LCOR: variants seen among roughly 807,000 people sequenced by gnomAD.
LCOR encodes the protein ligand-dependent corepressor.
Under a neutral mutation model 64.4 loss-of-function variants are expected in LCOR, and 14 were observed. That is an observed-to-expected ratio of 0.22 (90% CI 0.14 to 0.34). LCOR has a LOEUF of 0.34. Ranked by LOEUF, LCOR falls within the 10% of genes least tolerant of loss-of-function variation. The probability of loss-of-function intolerance (pLI) is 1.00; values close to 1 mark genes in which losing one functional copy is unlikely to be tolerated. For synonymous variants in LCOR, 643 were observed against 642.5 expected, an observed-to-expected ratio of 1.00 and a Z score of -0.01; for missense variants, 1,686 against 1,765.3, an observed-to-expected ratio of 0.96 and a Z score of 0.80.
chr10:96,941,389 C>T (rs1170635509), intron 4 of LCOR, among the ~76,000 whole-genome samples: 1 of 144,376 alleles, frequency 6.9e-6, no homozygotes, highest in East Asian at 2.2e-4. Context: ...ACCTCCCGGA[C>T]TGGGCGGCTG....
At chr10:96,869,132 C>T (rs1039697539) in intron 2 of LCOR, among the ~76,000 whole-genome samples, 2 of 152,124 alleles carry the variant, frequency 1.3e-5, no homozygotes, top group South Asian at 2.1e-4. Context: ...TCTCAAAGCT[C>T]GCAACCTCAA....
At chr10:96,851,251 A>C (rs1845717637) in intron 2 of LCOR, among the ~76,000 whole-genome samples, 1 of 152,218 alleles carries the variant, frequency 6.6e-6, no homozygotes, top group Admixed American at 6.5e-5. Context: ...TGAAATTCTC[A>C]TCAGAAATGT....
intron 2 of LCOR, among the ~76,000 whole-genome samples, chr10:96,888,363 C>CCAAAAAAAAAAA (rs1846380985): frequency 3.3e-5 from 1 of 30,544 alleles, no homozygotes; most frequent in African/African-American, 1.5e-4. Flanking sequence ...GACTCCGTCT[C>CCAAAAAAAAAAA]AAAAAAAAAA....
chr10:96,961,338 A>G (rs530814884), intron 7 of LCOR: 3 of 152,074 alleles, frequency 2.0e-5, no homozygotes, highest in Non-Finnish European at 2.9e-5. Flanking sequence ...TTAATCATAG[A>G]TTTATTGGAT....
intron 7 of LCOR, among the ~76,000 whole-genome samples, chr10:96,970,643 AT>A (rs1361323706): frequency 2.9e-4 from 43 of 147,452 alleles, no homozygotes; most frequent in African/African-American, 9.8e-4. Context: ...ATTTTATTTT[AT>A]TTTATTTTAT....
At chr10:96,909,689 A>G (rs1846795152) in intron 4 of LCOR, among the ~76,000 whole-genome samples, 1 of 152,152 alleles carries the variant, frequency 6.6e-6, no homozygotes, top group Non-Finnish European at 1.5e-5. Context: ...TTCTTCTTGT[A>G]TGGCTTCTTT....
At chr10:96,861,428 A>G (rs1341248616) in intron 2 of LCOR, among the ~76,000 whole-genome samples, 4 of 152,326 alleles carry the variant, frequency 2.6e-5, no homozygotes, top group East Asian at 1.9e-4. Flanking sequence ...CCATATTACA[A>G]TAATCACAAT....
chr10:96,953,424 C>T (rs946689360), intron 7 of LCOR, among the ~76,000 whole-genome samples: 2 of 151,992 alleles, frequency 1.3e-5, no homozygotes, highest in Non-Finnish European at 2.9e-5. Flanking sequence ...TGGTGGTGTG[C>T]ACCTGTAGTC....
At chr10:96,847,660 C>CT (rs762297817) in intron 2 of LCOR, among the ~76,000 whole-genome samples, 2 of 152,110 alleles carry the variant, frequency 1.3e-5, no homozygotes, top group Non-Finnish European at 2.9e-5. Flanking sequence ...AGGCTGTTCT[C>CT]TTAACTCCCG....
At chr10:96,902,244 C>T (rs981962151) in intron 2 of LCOR, among the ~76,000 whole-genome samples, 5 of 151,976 alleles carry the variant, frequency 3.3e-5, no homozygotes, top group Admixed American at 6.6e-5. Flanking sequence ...GGCCATTAGT[C>T]GTGATTAAAG....
intron 2 of LCOR, among the ~76,000 whole-genome samples, chr10:96,891,530 C>CTTTTTTTTTTTTTTTTTTTTTTTT (rs71007307): frequency 1.3e-4 from 1 of 7,638 alleles, no homozygotes; most frequent in African/African-American, 4.1e-4. Flanking sequence ...TGTCTTGACT[C>CTTTTTTTTTTTTTTTTTTTTTTTT]TTTTTTTTTT....
At chr10:96,874,119 G>A (rs1350610079) in intron 2 of LCOR, among the ~76,000 whole-genome samples, 1 of 152,140 alleles carries the variant, frequency 6.6e-6, no homozygotes. Flanking sequence ...TTATTGTTAA[G>A]CATATATATC....
chr10:96,984,007 G>A lies in LCOR; in HGVS notation c.3547G>A (p.Val1183Ile), dbSNP rs1193321455. The change falls in exon 8 of 8, where the codon GTT (valine) becomes ATT (isoleucine). Residue 1183 changes from valine (V) to isoleucine (I), a missense_variant. By Grantham distance (29) the Val-to-Ile change is conservative. Around this residue, in one of 3 missense-constraint regions of LCOR, gnomAD observed 1,293 missense variants for 1,410.4 expected, o/e 0.92. Coordinates refer to ENST00000421806, the MANE Select transcript of LCOR (RefSeq NM_001346516.2). Reference sequence around the variant, plus strand: ...TATGACAAACTTTAAATTATCTAATGTTTGTAAATGGTTCTTAGAGACAAC... The same window carrying A: ...TATGACAAACTTTAAATTATCTAATATTTGTAAATGGTTCTTAGAGACAAC... ...LFMTNFKLSN[V>I]CKWFLETTET... is the part of the protein sequence containing the mutation. The A allele has an allele frequency of 6.2e-7, 1 of 1,614,170 alleles. No individual in the cohort carries two copies. The highest frequency in any genetic ancestry group is 8.5e-7 in the Non-Finnish European group (1 of 1,180,030).
Position 96,981,850 on chromosome 10 carries a change from A to C in LCOR, c.1390A>C (p.Asn464His). Residue 464 changes from asparagine to histidine, a missense_variant, in exon 8 of 8, where the codon AAT becomes CAT. By Grantham distance (68) the Asn-to-His change is moderately conservative (BLOSUM62 1). This residue lies in a region of LCOR where 1,293 missense variants were observed against 1,410.4 expected (regional missense o/e 0.92). Transcript: ENST00000421806. ...KSKRASGLRINDYDNQCDVVY... is the reference protein window; with the variant it reads ...KSKRASGLRIHDYDNQCDVVY... ...TAAAAGGGCATCAGGGCTGAGGATAAATGATTATGATAACCAGTGTGATGT... is the reference window on the plus strand; with the variant it reads ...TAAAAGGGCATCAGGGCTGAGGATACATGATTATGATAACCAGTGTGATGT... The C allele has an allele frequency of 2.5e-6, 4 of 1,614,254 alleles. No individual in the cohort carries two copies. Among genetic ancestry groups the C allele is most frequent in the Non-Finnish European group, 3.4e-6 (4 of 1,180,040 alleles).
intron 2 of LCOR, among the ~76,000 whole-genome samples, chr10:96,838,579 A>G (rs1845486020): frequency 6.6e-6 from 1 of 152,218 alleles, no homozygotes; most frequent in Non-Finnish European, 1.5e-5. Context: ...GAGTCATACA[A>G]TATATGGCTT....
chr10:96,856,393 T>A (rs1323569128), intron 2 of LCOR, among the ~76,000 whole-genome samples: 1 of 151,712 alleles, frequency 6.6e-6, no homozygotes, highest in Admixed American at 6.6e-5. Flanking sequence ...TTCCCTCCCT[T>A]CTTTTCTTTC....
intron 2 of LCOR, among the ~76,000 whole-genome samples, chr10:96,854,398 T>C (rs1845769336): frequency 6.6e-6 from 1 of 152,154 alleles, no homozygotes; most frequent in Admixed American, 6.5e-5. Flanking sequence ...TGATCTCGGC[T>C]CAACCACAGC....
chr10:96,932,865 G>T (rs1037481515), intron 4 of LCOR, among the ~76,000 whole-genome samples: 2 of 152,100 alleles, frequency 1.3e-5, no homozygotes, highest in Non-Finnish European at 2.9e-5. Context: ...CTTTTCCTTA[G>T]AAAAAAGTTT....
At chr10:96,884,074 AATT>A (rs1166822784) in intron 2 of LCOR, among the ~76,000 whole-genome samples, 1 of 152,160 alleles carries the variant, frequency 6.6e-6, no homozygotes. Context: ...ATTTTGCATA[AATT>A]ATTCAAGTTC....
Sources: gnomAD v4.1 joint callset for allele counts (sites outside exome capture counted in the v4.1 genomes callset) on GRCh38, gnomAD v4.1.1 for gene constraint, gnomAD v4.1.1 regional missense constraint, MANE v1.5 for transcripts, NCBI Gene and HGNC (gene_info 2026-07-23, HGNC 2026-07-21) for gene names.